The following PALLD variants were observed in gnomAD, a reference collection of about 807,000 sequenced individuals.
PALLD encodes the protein palladin, cytoskeletal associated protein, also known as palladin.
PALLD carries 61 observed loss-of-function variants against 123.5 expected under a neutral mutation model. That is an observed-to-expected ratio of 0.49 (90% CI 0.40 to 0.61). The LOEUF (loss-of-function observed/expected upper bound fraction) is 0.61, where lower values mean the gene tolerates loss of function less well. Ranked by LOEUF, PALLD falls within the 20% of genes least tolerant of loss-of-function variation. The probability of loss-of-function intolerance (pLI) is 0.00; values close to 1 mark genes in which losing one functional copy is unlikely to be tolerated. For synonymous variants in PALLD, 465 were observed against 496.4 expected (o/e 0.94, Z 0.84); for missense variants, 1,273 against 1,377.0 (o/e 0.92, Z 1.20).
chr4:168,775,263 G>A lies in PALLD; in HGVS notation c.1964+63340G>A, dbSNP rs1043110348. Among the ~76,000 whole-genome samples the A allele has an allele frequency of 2.4e-4, 37 of 152,158 alleles. 2 individuals carry two copies. The East Asian group carries it at 6.2e-3, about 25-fold the overall frequency. On this transcript the variant is annotated intron_variant, in intron 10 of 21. Transcript: ENST00000505667. Reference sequence around the variant, plus strand: ...AACAGGTGTGTAGTAGAATTTCATCGTGGTTTTAATTTGCACTTCCCTAAT... The same window carrying A: ...AACAGGTGTGTAGTAGAATTTCATCATGGTTTTAATTTGCACTTCCCTAAT...
chr4:168,543,285 A>T (rs1765818943), intron 2 of PALLD, among the ~76,000 whole-genome samples: 1 of 151,560 alleles, frequency 6.6e-6, no homozygotes, highest in Admixed American at 6.6e-5. Flanking sequence ...AGGATAACAC[A>T]TGACACCTAG....
At chr4:168,755,094 G>C (rs547095358) in intron 10 of PALLD, among the ~76,000 whole-genome samples, 29 of 152,048 alleles carry the variant, frequency 1.9e-4, no homozygotes, top group Non-Finnish European at 4.1e-4. Context: ...TTAGCCAGGC[G>C]TGGTGGCGGG....
At chr4:168,909,494 T>C (rs183389309) in intron 15 of PALLD, among the ~76,000 whole-genome samples, 1 of 152,214 alleles carries the variant, frequency 6.6e-6, no homozygotes. Context: ...TGGATTTGTT[T>C]GGAATGGAAA....
Position 168,928,412 on chromosome 4 carries a change from A to AAAT in PALLD, c.*2237_*2239dup, listed in dbSNP as rs1762827912. The AAAT allele has an allele frequency of 5.5e-6, 1 of 180,382 alleles. No homozygotes were observed. The highest frequency in any genetic ancestry group is 2.4e-5 in the African/African-American group (1 of 42,358). The allele number at this position is 180,382 out of a possible 1,614,324, so 11.2% of individuals were successfully genotyped here. A position where few individuals can be genotyped will look rare whatever the true frequency, so the allele number is the denominator to read the frequency against. On this transcript the variant is annotated 3_prime_UTR_variant, in exon 22 of 22. Coordinates refer to ENST00000505667, the MANE Select transcript of PALLD (RefSeq NM_001166108.2). ...GATTTAACATCAATAAATATTTGAC[A>AAAT]AATAATAGTTGCAGTTTTGTGAAGC...
At chr4:168,746,212 A>T (rs1419172967) in intron 10 of PALLD, among the ~76,000 whole-genome samples, 1 of 151,796 alleles carries the variant, frequency 6.6e-6, no homozygotes, top group Non-Finnish European at 1.5e-5. Context: ...GCCTGCTTGG[A>T]TAATCAGCTT....
intron 10 of PALLD, among the ~76,000 whole-genome samples, chr4:168,759,492 C>G (rs1482246434): frequency 6.6e-6 from 1 of 151,760 alleles, no homozygotes; most frequent in Admixed American, 6.6e-5. Context: ...CACAGTTTTT[C>G]CAGGTTAACT....
chr4:168,584,690 G>C (rs144721697), intron 2 of PALLD, among the ~76,000 whole-genome samples: 170 of 152,250 alleles, frequency 1.1e-3, no homozygotes, highest in Middle Eastern at 3.4e-3. Flanking sequence ...ATCCAAAAAT[G>C]AGTAAACTTT....
intron 10 of PALLD, among the ~76,000 whole-genome samples, chr4:168,825,888 T>C (rs916747263): frequency 6.6e-5 from 10 of 152,208 alleles, no homozygotes; most frequent in Non-Finnish European, 1.2e-4. Context: ...GAGGACTTTA[T>C]GCATGATCTT....
intron 10 of PALLD, among the ~76,000 whole-genome samples, chr4:168,782,667 G>T (rs1736085607): frequency 6.6e-6 from 1 of 152,044 alleles, no homozygotes; most frequent in Admixed American, 6.6e-5. Flanking sequence ...CCCAGCACTT[G>T]GGAGGCCAAG....
chr4:168,804,474 C>T lies in PALLD; in HGVS notation c.1965-86448C>T, dbSNP rs150843320. Among the ~76,000 whole-genome samples, 345 of 152,268 alleles carry T rather than the reference C, an allele frequency of 2.3e-3. 2 individuals are homozygous for T. The highest frequency in any genetic ancestry group is 7.9e-3 in the African/African-American group (327 of 41,542). ...AACTTTGACAGTTGTACTTAAAGTC[C>T]CTTCTCATCCTATGAGTCTCTGCCT... On this transcript the variant is annotated intron_variant, in intron 10 of 21. Transcript: ENST00000505667.
At chr4:168,860,122 C>T (rs529932812) in intron 10 of PALLD, among the ~76,000 whole-genome samples, 9 of 152,128 alleles carry the variant, frequency 5.9e-5, no homozygotes, top group African/African-American at 1.2e-4. Flanking sequence ...CCTTTACACC[C>T]GAAACAGTGC....
At chr4:168,822,100 G>A (rs1418120138) in intron 10 of PALLD, among the ~76,000 whole-genome samples, 1 of 151,914 alleles carries the variant, frequency 6.6e-6, no homozygotes, top group Non-Finnish European at 1.5e-5. Context: ...CAGAACACAT[G>A]GGGAAACTAA....
intron 3 of PALLD, among the ~76,000 whole-genome samples, chr4:168,673,665 G>C (rs958371645): frequency 6.6e-6 from 1 of 152,222 alleles, no homozygotes. Context: ...AGGAGGATAT[G>C]GCGGAGATGA....
chr4:168,893,413 G>A (rs1581946895), intron 11 of PALLD, among the ~76,000 whole-genome samples: 1 of 152,122 alleles, frequency 6.6e-6, no homozygotes, highest in Admixed American at 6.6e-5. Flanking sequence ...TTTGTCATTT[G>A]GCACTTGACT....
intron 3 of PALLD, among the ~76,000 whole-genome samples, chr4:168,680,481 CAAAAAAAAAAAAAAAAAAA>C (rs571607157): frequency 6.8e-5 from 4 of 59,154 alleles, no homozygotes; most frequent in African/African-American, 2.6e-4. Flanking sequence ...GATTCCGTCT[CAAAAAAAAAAAAAAAAAAA>C]AAAAAAAAAA....
chr4:168,833,166 A>G (rs1379010302), intron 10 of PALLD, among the ~76,000 whole-genome samples: 2 of 151,954 alleles, frequency 1.3e-5, no homozygotes, highest in African/African-American at 4.8e-5. Context: ...GACTCTAGAA[A>G]GGGGTTTGGT....
chr4:168,760,329 GA>G (rs34297950), intron 10 of PALLD, among the ~76,000 whole-genome samples: 47,891 of 151,574 alleles, frequency 0.32, 8,169 homozygotes, highest in East Asian at 0.63. Context: ...TGGGTGCGGG[GA>G]GGCCTCAACA....
intron 2 of PALLD, among the ~76,000 whole-genome samples, chr4:168,604,851 CA>C (rs1343864312): frequency 6.6e-6 from 1 of 152,134 alleles, no homozygotes; most frequent in Non-Finnish European, 1.5e-5. Context: ...GGGTAAGAAA[CA>C]AAGTTCTCAA....
chr4:168,567,304 A>G (rs1322727493), intron 2 of PALLD, among the ~76,000 whole-genome samples: 1 of 152,168 alleles, frequency 6.6e-6, no homozygotes, highest in African/African-American at 2.4e-5. Context: ...TGGAATCTAC[A>G]AGAAACTCAA....
Sources: allele counts gnomAD v4.1 joint callset (sites outside exome capture counted in the v4.1 genomes callset), GRCh38; gene constraint gnomAD v4.1.1; transcripts MANE v1.5; gene names NCBI Gene and HGNC (gene_info 2026-07-23, HGNC 2026-07-21).